GKAP1: variants seen among roughly 807,000 people sequenced by gnomAD.
GKAP1 encodes the protein G kinase anchoring protein 1, also known as G kinase-anchoring protein 1.
GKAP1 carries 31 observed loss-of-function variants against 56.7 expected under a neutral mutation model. The observed-to-expected ratio is 0.55, with a 90% confidence interval of 0.41 to 0.74. The LOEUF is 0.74. GKAP1 is among the 30% of genes least tolerant of loss of function. The pLI, the probability that GKAP1 is intolerant of heterozygous loss-of-function variation, is 0.00. For missense variants in GKAP1, 364 were observed against 402.3 expected (o/e 0.90, Z 0.82); for synonymous variants, 151 against 138.6 (o/e 1.09, Z -0.63).
chr9:83,770,504 T>C (rs1943739004), intron 7 of GKAP1, among the ~76,000 whole-genome samples: 1 of 152,230 alleles, frequency 6.6e-6, no homozygotes, highest in Admixed American at 6.5e-5. Flanking sequence ...TCTATTCTTA[T>C]GCCAGTACCA....
chr9:83,745,560 C>G (rs1943279399), intron 10 of GKAP1, among the ~76,000 whole-genome samples: 1 of 152,108 alleles, frequency 6.6e-6, no homozygotes, highest in Admixed American at 6.6e-5. Flanking sequence ...TCAATTTCCA[C>G]AGTGTTTTAT....
chr9:83,776,997 G>A (rs116704931), intron 7 of GKAP1, among the ~76,000 whole-genome samples: 1,546 of 152,250 alleles, frequency 0.01, 26 homozygotes, highest in African/African-American at 0.035. Context: ...TTTGTTCCCT[G>A]GTTCCTTTCT....
intron 8 of GKAP1, among the ~76,000 whole-genome samples, chr9:83,768,150 C>T (rs1040453583): frequency 2.6e-5 from 4 of 152,164 alleles, no homozygotes; most frequent in African/African-American, 9.7e-5. Context: ...ACATTTATGA[C>T]ATAAATCTAA....
At chr9:83,798,732 TCTCAAACTCCTAGG>T (rs1170096336) in intron 4 of GKAP1, among the ~76,000 whole-genome samples, 1 of 151,968 alleles carries the variant, frequency 6.6e-6, no homozygotes, top group Admixed American at 6.6e-5. Flanking sequence ...CCCAGGGTGG[TCTCAAACTCCTAGG>T]CTCAAGCCAT....
Position 83,815,738 on chromosome 9 carries a change from TC to T in GKAP1, c.-44+1257del, listed in dbSNP as rs138402955. On this transcript the variant is annotated intron_variant, in intron 2 of 12. Coordinates refer to ENST00000376371, the MANE Select transcript of GKAP1 (RefSeq NM_025211.4). Reference sequence around the variant, plus strand: ...AATGTAGATGCCAATTAGTGTGGCCTCACTGAAATATAACTTAGATCGAAAT... The same window carrying T: ...AATGTAGATGCCAATTAGTGTGGCCTACTGAAATATAACTTAGATCGAAAT... Among the ~76,000 whole-genome samples, 545 of 152,350 alleles carry T rather than the reference TC, an allele frequency of 3.6e-3. 6 individuals carry two copies. The highest frequency in any genetic ancestry group is 0.013 in the African/African-American group (536 of 41,580).
intron 10 of GKAP1, among the ~76,000 whole-genome samples, chr9:83,744,869 TA>T (rs1232802674): frequency 6.6e-6 from 1 of 152,120 alleles, no homozygotes; most frequent in Non-Finnish European, 1.5e-5. Context: ...GGAGAGAGAA[TA>T]AGTGCTGAGC....
At chr9:83,746,230 T>G (rs1255380229) in intron 10 of GKAP1, among the ~76,000 whole-genome samples, 1 of 152,264 alleles carries the variant, frequency 6.6e-6, no homozygotes, top group Non-Finnish European at 1.5e-5. Flanking sequence ...ACAACTATTT[T>G]GTAATGTAGT....
chr9:83,740,545 T>A (rs1943189969), intron 12 of GKAP1, among the ~76,000 whole-genome samples: 1 of 152,218 alleles, frequency 6.6e-6, no homozygotes, highest in South Asian at 2.1e-4. Flanking sequence ...TAGTTGTATG[T>A]ATAGTTTTTC....
intron 7 of GKAP1, among the ~76,000 whole-genome samples, chr9:83,770,760 A>G (rs1317817908): frequency 6.6e-6 from 1 of 152,122 alleles, no homozygotes; most frequent in African/African-American, 2.4e-5. Context: ...GGGTTTCACC[A>G]TGTTGGCCAG....
intron 7 of GKAP1, 117 bp from the exon 8 acceptor site, chr9:83,769,087 G>T (rs1943713691): frequency 6.4e-5 from 40 of 624,582 alleles, no homozygotes; most frequent in Admixed American, 1.3e-4. Flanking sequence ...CCACTAGAAG[G>T]ATAAAAAAAG....
At chr9:83,753,490 T>C (rs2131242817) in intron 8 of GKAP1, 131 bp from the exon 9 acceptor site, 2 of 656,058 alleles carry the variant, frequency 3.0e-6, no homozygotes, top group Non-Finnish European at 5.4e-6. Flanking sequence ...TGCTGTTGAC[T>C]ACATTTCTAC....
chr9:83,739,866 T>A (rs1199698979), intron 12 of GKAP1, 122 bp from the exon 13 acceptor site: 2 of 692,926 alleles, frequency 2.9e-6, no homozygotes, highest in Non-Finnish European at 4.8e-6. Flanking sequence ...TCTTTTTTGA[T>A]TTTGTTGTAA....
chr9:83,747,742 T>G (rs1943318659), intron 10 of GKAP1, among the ~76,000 whole-genome samples: 1 of 151,886 alleles, frequency 6.6e-6, no homozygotes, highest in East Asian at 1.9e-4. Context: ...GTTCAAACAA[T>G]TCTCATGCCT....
Position 83,805,439 on chromosome 9 carries a change from C to T in GKAP1, c.216+863G>A, listed in dbSNP as rs533236732. Among the ~76,000 whole-genome samples the T allele has an allele frequency of 1.6e-4, 24 of 148,468 alleles. 1 individual carries two copies. Among genetic ancestry groups the T allele is most frequent in the Admixed American group, 1.3e-3 (19 of 14,924 alleles). ...TATGACCCTGCCAAATCCCCCTCTG[C>T]GAGAAACACCCAAGAATGATCAATA... On this transcript the variant is annotated intron_variant, in intron 3 of 12. Coordinates refer to ENST00000376371, the MANE Select transcript of GKAP1 (RefSeq NM_025211.4).
intron 9 of GKAP1, among the ~76,000 whole-genome samples, chr9:83,751,968 A>G (rs1943397249): frequency 6.6e-6 from 1 of 152,192 alleles, no homozygotes; most frequent in Non-Finnish European, 1.5e-5. Flanking sequence ...ACTCTTAGGT[A>G]TGTACATACC....
At chr9:83,756,645 C>G (rs539781117) in intron 8 of GKAP1, among the ~76,000 whole-genome samples, 1 of 152,010 alleles carries the variant, frequency 6.6e-6, no homozygotes, top group Admixed American at 6.6e-5. Context: ...GTAGTTTTCT[C>G]TAGGTGAATG....
At chr9:83,797,682 TTTTC>T (rs1944270057) in intron 4 of GKAP1, among the ~76,000 whole-genome samples, 1 of 126,172 alleles carries the variant, frequency 7.9e-6, no homozygotes, top group Non-Finnish European at 2.0e-5. Flanking sequence ...CACTATTTCC[TTTTC>T]ATCATTACCT....
chr9:83,742,056 A>T (rs747954689), intron 11 of GKAP1, 27 bp from the exon 12 acceptor site: 33 of 1,505,400 alleles, frequency 2.2e-5, no homozygotes, highest in Non-Finnish European at 2.9e-5. Context: ...AATAAGAAAA[A>T]GAATTTTTGG....
intron 5 of GKAP1, among the ~76,000 whole-genome samples, chr9:83,785,919 C>A (rs1944056273): frequency 6.6e-6 from 1 of 152,212 alleles, no homozygotes; most frequent in Admixed American, 6.5e-5. Flanking sequence ...TCCAGAAGTT[C>A]TAGGTCCTTA....
Sources: gnomAD v4.1 joint callset for allele counts (sites outside exome capture counted in the v4.1 genomes callset) on GRCh38, gnomAD v4.1.1 for gene constraint, MANE v1.5 for transcripts, NCBI Gene and HGNC (gene_info 2026-07-23, HGNC 2026-07-21) for gene names.